Variants in DNAH14 observed in about 807,000 individuals in gnomAD.
DNAH14 encodes the protein dynein axonemal heavy chain 14.
A neutral mutation model predicts 520.9 loss-of-function variants in DNAH14; 478 were observed. The observed-to-expected ratio is 0.92, with a 90% confidence interval of 0.85 to 0.99. The LOEUF is 0.99. Among genes scored for constraint, DNAH14 ranks in the 50% least tolerant of loss-of-function variants. DNAH14 has a pLI of 0.00. For missense variants in DNAH14, 4,831 were observed against 5,234.5 expected (o/e 0.92, Z 2.38); for synonymous variants, 1,581 against 1,757.2 (o/e 0.90, Z 2.51).
intron 25 of DNAH14, 142 bp from the exon 26 acceptor site, chr1:225,119,078 A>G (rs1379000621): frequency 2.1e-5 from 10 of 487,570 alleles, no homozygotes; most frequent in Middle Eastern, 5.8e-4. Flanking sequence ...TAAGATTTAG[A>G]AAAACCAAAA....
intron 17 of DNAH14, among the ~76,000 whole-genome samples, chr1:225,057,545 G>A (rs1476890941): frequency 6.6e-6 from 1 of 152,042 alleles, no homozygotes; most frequent in Non-Finnish European, 1.5e-5. Context: ...GACTGCCCTG[G>A]CCAGAACTTC....
At chr1:225,050,737 A>G (rs945288574) in intron 16 of DNAH14, among the ~76,000 whole-genome samples, 3 of 152,176 alleles carry the variant, frequency 2.0e-5, no homozygotes, top group African/African-American at 7.2e-5. Context: ...CCCTATCTAA[A>G]TAGTTACGTC....
At chr1:224,941,345 T>C (rs937946281) in intron 1 of DNAH14, among the ~76,000 whole-genome samples, 4 of 151,998 alleles carry the variant, frequency 2.6e-5, no homozygotes, top group African/African-American at 4.8e-5. Flanking sequence ...TCATATCCTT[T>C]GCCCACTTTT....
At chr1:225,122,642 TTAAAAA>T (rs2077392172) in intron 26 of DNAH14, among the ~76,000 whole-genome samples, 1 of 152,120 alleles carries the variant, frequency 6.6e-6, no homozygotes, top group Non-Finnish European at 1.5e-5. Context: ...CAAAAAGTGT[TTAAAAA>T]TAAAATTAAG....
At chr1:225,151,247 A>G (rs888031013) in intron 31 of DNAH14, among the ~76,000 whole-genome samples, 1 of 152,190 alleles carries the variant, frequency 6.6e-6, no homozygotes, top group African/African-American at 2.4e-5. Context: ...GCTAATGGAT[A>G]CTAACTTGTG....
At chr1:225,320,006 A>G (rs962272850) in intron 61 of DNAH14, among the ~76,000 whole-genome samples, 1 of 152,212 alleles carries the variant, frequency 6.6e-6, no homozygotes, top group African/African-American at 2.4e-5. Flanking sequence ...TCCCCAACAC[A>G]GCCCCTCATG....
Position 225,140,921 on chromosome 1 carries a change from A to G in DNAH14, c.4408A>G (p.Ile1470Val), listed in dbSNP as rs1449889821. Residue 1470 changes from isoleucine to valine, a missense_variant, in exon 28 of 86, where the codon ATA (isoleucine) becomes GTA (valine). Physicochemically the swap from Ile to Val is conservative, Grantham distance 29. Transcript: ENST00000682510. The stretch of plus-strand genomic sequence containing the variant: ...TACTAGTAACTCTCGAACAAAAGCT[A>G]TACTAGGGGCATTGCTTATCCTTTA... ...LDTSNSRTKAILGALLILYVH... is the reference protein window; with the variant it reads ...LDTSNSRTKAVLGALLILYVH... 2.6e-6 allele frequency: 4 copies of G among 1,551,286 alleles called. No homozygotes were observed. The highest frequency in any genetic ancestry group is 1.4e-5 in the African/African-American group (1 of 73,020).
intron 27 of DNAH14, among the ~76,000 whole-genome samples, chr1:225,134,337 A>G (rs1433211343): frequency 1.3e-5 from 2 of 152,118 alleles, no homozygotes; most frequent in African/African-American, 4.8e-5. Context: ...GCTTTTTCCC[A>G]TTTAGTATGA....
chr1:225,020,623 T>C (rs1201676720), intron 10 of DNAH14, among the ~76,000 whole-genome samples: 1 of 150,466 alleles, frequency 6.6e-6, no homozygotes, highest in Non-Finnish European at 1.5e-5. Context: ...CAGGAAGAAA[T>C]TGAAATCCTG....
At chr1:225,112,236 T>C (rs2076539259) in intron 23 of DNAH14, among the ~76,000 whole-genome samples, 1 of 152,204 alleles carries the variant, frequency 6.6e-6, no homozygotes, top group Non-Finnish European at 1.5e-5. Flanking sequence ...TTTGGACAGA[T>C]ATACTATACT....
chr1:225,398,265 T>C (rs2096053690), intron 84 of DNAH14, among the ~76,000 whole-genome samples: 1 of 152,218 alleles, frequency 6.6e-6, no homozygotes, highest in African/African-American at 2.4e-5. Flanking sequence ...GGTCTTTGTC[T>C]TCATGCTGAG....
Position 225,380,197 on chromosome 1 carries a change from T to C in DNAH14, c.12755T>C (p.Leu4252Pro), listed in dbSNP as rs1011019490. ...QSKDELVMEI[L>P]SDLLKRLPLT... ...AAGGATGAACTGGTGATGGAAATTCTATCCGACTTGCTAAAGCGGCTGCCA... is the reference window on the plus strand; with the variant it reads ...AAGGATGAACTGGTGATGGAAATTCCATCCGACTTGCTAAAGCGGCTGCCA... Residue 4252 changes from leucine (L) to proline (P), a missense_variant, in exon 80 of 86, where the codon CTA (leucine) becomes CCA (proline). Physicochemically the swap from Leu to Pro is moderately conservative, Grantham distance 98. Coordinates refer to ENST00000682510, the MANE Select transcript of DNAH14 (RefSeq NM_001367479.1). 6.4e-7 allele frequency: 1 copy of C among 1,551,678 alleles called. No individual in the cohort carries two copies. The highest frequency in any genetic ancestry group is 1.2e-5 in the South Asian group (1 of 84,054).
intron 79 of DNAH14, among the ~76,000 whole-genome samples, chr1:225,379,579 G>A (rs570098570): frequency 2.6e-5 from 4 of 151,816 alleles, no homozygotes; most frequent in Admixed American, 2.6e-4. Context: ...CCAGGCTGGA[G>A]TGCAGTGGCA....
Position 225,065,378 on chromosome 1 carries a change from T to C in DNAH14, c.2424+13583T>C, listed in dbSNP as rs535423432. ...AGACATTTGAAATTTATTCTCTTGGTGATTTTGAAATGCACAGTACACTAT... is the reference window on the plus strand; with the variant it reads ...AGACATTTGAAATTTATTCTCTTGGCGATTTTGAAATGCACAGTACACTAT... On this transcript the variant is annotated intron_variant, in intron 17 of 85. Coordinates refer to ENST00000682510, the MANE Select transcript of DNAH14 (RefSeq NM_001367479.1). Among the ~76,000 whole-genome samples, 8 of 151,872 alleles carry C rather than the reference T, an allele frequency of 5.3e-5. No homozygotes were observed. The South Asian group carries it at 1.7e-3, about 32-fold the overall frequency.
intron 8 of DNAH14, among the ~76,000 whole-genome samples, chr1:224,990,816 G>T (rs1319491796): frequency 6.6e-6 from 1 of 152,144 alleles, no homozygotes; most frequent in Non-Finnish European, 1.5e-5. Flanking sequence ...ATATTTAGAA[G>T]TGGGATTGTT....
rs1417200908 is a variant in DNAH14 at position 224,969,050 on chromosome 1, A to G, written c.767+176A>G. ...CCTCTGTAACTTATGAAGAAATGCC[A>G]ATAATTTTGGCATTTAAGAAGCATT... On this transcript the variant is annotated intron_variant, in intron 7 of 85. Transcript: ENST00000682510. 4 of 454,536 alleles carry G rather than the reference A, an allele frequency of 8.8e-6. No individual in the cohort carries two copies. In the East Asian group the frequency reaches 1.2e-4, roughly 13 times the overall value. 28.2% of individuals were successfully genotyped at this position (454,536 alleles called of 1,614,324 possible). A position where few individuals can be genotyped will look rare whatever the true frequency, so the allele number is the denominator to read the frequency against.
At chr1:225,169,516 C>T (rs1017012980) in intron 36 of DNAH14, among the ~76,000 whole-genome samples, 12 of 151,782 alleles carry the variant, frequency 7.9e-5, no homozygotes, top group African/African-American at 1.7e-4. Flanking sequence ...CTTCAGTAGC[C>T]GATATGATCA....
At chr1:225,363,867 A>G (rs2095522266) in intron 75 of DNAH14, among the ~76,000 whole-genome samples, 1 of 152,258 alleles carries the variant, frequency 6.6e-6, no homozygotes, top group Non-Finnish European at 1.5e-5. Context: ...GGTTCAGTAC[A>G]GATGCAGACA....
In DNAH14 at chr1:225,159,306, C is replaced by A. The variant is rs1427565985; in HGVS notation, c.5274-8C>A. On this transcript the variant is annotated splice_region_variant and splice_polypyrimidine_tract_variant and intron_variant, in intron 34 of 85. Coordinates refer to ENST00000682510, the MANE Select transcript of DNAH14 (RefSeq NM_001367479.1). ...GTTCTCTGTGTTTGTTTTCTTCTAC[C>A]ATTGAAGTGATACCAGTGACAGTCT... is the stretch of plus-strand genomic sequence containing the variant. 3.2e-6 allele frequency: 5 copies of A among 1,549,268 alleles called. No individual in the cohort carries two copies. The African/African-American group carries it at 5.5e-5, about 17-fold the overall frequency.
Sources: gnomAD v4.1 joint callset for allele counts (sites outside exome capture counted in the v4.1 genomes callset) on GRCh38, gnomAD v4.1.1 for gene constraint, MANE v1.5 for transcripts, NCBI Gene and HGNC (gene_info 2026-07-23, HGNC 2026-07-21) for gene names.